The following FAM20A variants were observed in gnomAD, a reference collection of about 807,000 sequenced individuals.
The protein encoded by FAM20A is FAM20A golgi associated secretory pathway pseudokinase.
FAM20A carries 42 observed loss-of-function variants against 52.0 expected under a neutral mutation model. The ratio of observed to expected loss-of-function variants is 0.81; its 90% CI spans 0.63 to 1.04. FAM20A has a LOEUF of 1.04. Among genes scored for constraint, FAM20A ranks in the 50% least tolerant of loss-of-function variants. The pLI is 0.00. For missense variants in FAM20A, 742 were observed against 712.7 expected, an observed-to-expected ratio of 1.04 and a Z score of -0.47; for synonymous variants, 304 against 298.9, an observed-to-expected ratio of 1.02 and a Z score of -0.18.
intron 1 of FAM20A, among the ~76,000 whole-genome samples, chr17:68,589,874 AATCTT>A (rs1246398697): frequency 3.9e-5 from 6 of 152,216 alleles, no homozygotes; most frequent in African/African-American, 1.4e-4. Context: ...AGACAGGAAT[AATCTT>A]ATTTTAGCAC....
At chr17:68,557,200 T>TAA (rs35938940) in intron 1 of FAM20A, among the ~76,000 whole-genome samples, 6 of 146,582 alleles carry the variant, frequency 4.1e-5, no homozygotes, top group Admixed American at 6.8e-5. Flanking sequence ...ACTCTGACTT[T>TAA]AAAAAAAAAA....
intron 1 of FAM20A, among the ~76,000 whole-genome samples, chr17:68,595,578 C>T (rs1175627142): frequency 6.6e-6 from 1 of 152,220 alleles, no homozygotes; most frequent in Non-Finnish European, 1.5e-5. Flanking sequence ...TCTCTGCTAA[C>T]CACACACGGG....
Position 68,600,762 on chromosome 17 carries a change from C to T in FAM20A, c.-96G>A. Reference sequence around the variant, plus strand: ...GCGGGCAGAAGAGGTGCCTGGAGTCCCGCGGGTGGGCCGGGGTCAGTGAGA... The same window carrying T: ...GCGGGCAGAAGAGGTGCCTGGAGTCTCGCGGGTGGGCCGGGGTCAGTGAGA... On this transcript the variant is annotated 5_prime_UTR_variant, in exon 1 of 11. Coordinates refer to ENST00000592554, the MANE Select transcript of FAM20A (RefSeq NM_017565.4). The surrounding 1 kb of genome is among the most constrained non-coding windows in gnomAD (Gnocchi z 6.2). 7.3e-7 allele frequency: 1 copy of T among 1,376,388 alleles called. No homozygotes were observed. Among genetic ancestry groups the T allele is most frequent in the African/African-American group, 1.5e-5 (1 of 67,454 alleles). The allele number at this position is 1,376,388 out of a possible 1,614,324, so 85.3% of individuals were successfully genotyped here.
At chr17:68,581,026 T>A (rs1401389414) in intron 1 of FAM20A, among the ~76,000 whole-genome samples, 1 of 152,168 alleles carries the variant, frequency 6.6e-6, no homozygotes, top group African/African-American at 2.4e-5. Context: ...ACCAAAAAAC[T>A]TTTGTATAAA....
At chr17:68,556,853 GT>G (rs1253068478) in intron 1 of FAM20A, among the ~76,000 whole-genome samples, 1 of 152,160 alleles carries the variant, frequency 6.6e-6, no homozygotes, top group African/African-American at 2.4e-5. Context: ...TTCTCAAACT[GT>G]GATAGTATAC....
chr17:68,560,681 G>T (rs955678960), intron 1 of FAM20A, among the ~76,000 whole-genome samples: 2 of 152,138 alleles, frequency 1.3e-5, no homozygotes, highest in Non-Finnish European at 2.9e-5. Context: ...AGAGTGTATC[G>T]GTATGATAAA....
intron 3 of FAM20A, among the ~76,000 whole-genome samples, chr17:68,553,328 T>G (rs559432952): frequency 1.3e-5 from 2 of 152,328 alleles, no homozygotes; most frequent in East Asian, 3.9e-4. Context: ...GTGAGTCAAT[T>G]AAACCTCTTT....
At position 68,581,388 on chromosome 17, in the gene FAM20A, T is replaced by TTCTTTCTTTCTTTCTTTCTTTC. The variant is rs1568774089; in HGVS notation, c.404+18853_404+18874dup. Among the ~76,000 whole-genome samples, 151 of 146,550 alleles carry TTCTTTCTTTCTTTCTTTCTTTC rather than the reference T, an allele frequency of 1.0e-3. 1 individual carries two copies. Among genetic ancestry groups the TTCTTTCTTTCTTTCTTTCTTTC allele is most frequent in the African/African-American group, 3.4e-3 (131 of 38,698 alleles). ...TTTCTTTCTTTCTTTCTTTCTTTCT[T>TTCTTTCTTTCTTTCTTTCTTTC]TCTTTCTTTCTTTCTTTCTTTCTTT... On this transcript the variant is annotated intron_variant, in intron 1 of 10. Coordinates refer to ENST00000592554, the MANE Select transcript of FAM20A (RefSeq NM_017565.4).
intron 1 of FAM20A, among the ~76,000 whole-genome samples, chr17:68,574,412 AC>A (rs1251931345): frequency 6.6e-6 from 1 of 152,134 alleles, no homozygotes; most frequent in African/African-American, 2.4e-5. Context: ...ACCCACTCCC[AC>A]GATAACCCGT....
intron 1 of FAM20A, among the ~76,000 whole-genome samples, chr17:68,570,376 C>A (rs1473482833): frequency 6.6e-6 from 1 of 152,158 alleles, no homozygotes; most frequent in Non-Finnish European, 1.5e-5. Flanking sequence ...ACCTGGCCAA[C>A]AGATGCTCAA....
At position 68,550,396 on chromosome 17, in the gene FAM20A, T is replaced by TTTA. The variant is rs1491307289; in HGVS notation, c.719+1476_719+1477insTAA. 5.1e-5 allele frequency among the ~76,000 whole-genome samples: 7 copies of TTTA among 137,970 alleles called. No homozygotes were observed. In the East Asian group the frequency reaches 6.3e-4, roughly 12 times the overall value. 90.5% of individuals were successfully genotyped at this position (137,970 alleles called of 152,430 possible). On this transcript the variant is annotated intron_variant, in intron 4 of 10. Transcript: ENST00000592554. The stretch of plus-strand genomic sequence containing the variant: ...TTTTTTTTTTTTTTTTTTTTTTTTT[T>TTTA]AAGATAGAGAGTCTCCCTCTGTTGC...
intron 1 of FAM20A, among the ~76,000 whole-genome samples, chr17:68,574,614 G>A (rs1016314673): frequency 6.6e-6 from 1 of 152,142 alleles, no homozygotes; most frequent in African/African-American, 2.4e-5. Flanking sequence ...TGTGACTTCT[G>A]GGACTCAGTA....
At chr17:68,592,836 T>C (rs958179176) in intron 1 of FAM20A, among the ~76,000 whole-genome samples, 1 of 152,226 alleles carries the variant, frequency 6.6e-6, no homozygotes, top group Non-Finnish European at 1.5e-5. Flanking sequence ...CTTAAATTTA[T>C]TATCTGGCTT....
intron 4 of FAM20A, 103 bp from the exon 5 acceptor site, chr17:68,543,824 T>C: frequency 1.0e-6 from 1 of 990,992 alleles, no homozygotes; most frequent in African/African-American, 1.6e-5. Flanking sequence ...CGGGCTTTTA[T>C]GCTTTTCATG....
rs139876256 is a variant in FAM20A, at chr17:68,599,665, G to A, written c.404+598C>T. On this transcript the variant is annotated intron_variant, in intron 1 of 10. Transcript: ENST00000592554. ...CGTTTTAAATGTGAACAATGGGGTG[G>A]CTGCGGCAGAGAACTGACCATTTAC... Among the ~76,000 whole-genome samples, 23 of 152,304 alleles carry A rather than the reference G, an allele frequency of 1.5e-4. No individual in the cohort carries two copies. In the East Asian group the frequency reaches 4.4e-3, roughly 29 times the overall value.
At chr17:68,598,517 C>G (rs770398884) in intron 1 of FAM20A, among the ~76,000 whole-genome samples, 7 of 152,172 alleles carry the variant, frequency 4.6e-5, no homozygotes, top group Non-Finnish European at 1.0e-4. Context: ...CAAAACTACT[C>G]TGTGATCTCT....
chr17:68,580,756 T>C (rs990176071), intron 1 of FAM20A, among the ~76,000 whole-genome samples: 12 of 152,238 alleles, frequency 7.9e-5, no homozygotes. Flanking sequence ...CTACCTCTTA[T>C]GTGGCACTCA....
At chr17:68,596,635 G>C (rs544814177) in intron 1 of FAM20A, among the ~76,000 whole-genome samples, 14 of 152,308 alleles carry the variant, frequency 9.2e-5, no homozygotes, top group African/African-American at 2.6e-4. Flanking sequence ...AAAGGACTAA[G>C]AGCAGCACAA....
chr17:68,539,008 G>A (rs2086179166), intron 10 of FAM20A, among the ~76,000 whole-genome samples: 1 of 152,140 alleles, frequency 6.6e-6, no homozygotes, highest in Non-Finnish European at 1.5e-5. Context: ...GCACTCTTAG[G>A]CTATATGATA....
Sources: gnomAD v4.1 joint callset for allele counts (sites outside exome capture counted in the v4.1 genomes callset) on GRCh38, gnomAD v4.1.1 for gene constraint, Gnocchi (gnomAD v3.1) non-coding constraint, MANE v1.5 for transcripts, NCBI Gene and HGNC (gene_info 2026-07-23, HGNC 2026-07-21) for gene names.